The following PSMG4 variants were observed in gnomAD, a reference collection of about 807,000 sequenced individuals.
The protein encoded by PSMG4 is proteasome assembly chaperone 4, also known as proteasome (prosome, macropain) assembly chaperone 4.
Under a neutral mutation model 11.0 loss-of-function variants are expected in PSMG4, and 10 were observed. The observed-to-expected ratio is 0.91, with a 90% CI of 0.56 to 1.54. PSMG4 has a LOEUF of 1.54. PSMG4 is among the 40% of genes most tolerant of loss of function. The pLI, the probability that PSMG4 is intolerant of heterozygous loss-of-function variation, is 0.00. For synonymous variants in PSMG4, 95 were observed against 71.3 expected (o/e 1.33, Z -1.68); for missense variants, 198 against 160.9 (o/e 1.23, Z -1.25).
upstream of PSMG4, among the ~76,000 whole-genome samples, chr6:3,257,183 G>A (rs1038062157): frequency 3.3e-5 from 5 of 152,200 alleles, no homozygotes; most frequent in African/African-American, 9.7e-5. Flanking sequence ...GCTGAACTTG[G>A]GTTTGGGTCA....
chr6:3,259,223 G>A lies in PSMG4; in HGVS notation c.174+27G>A, dbSNP rs1757872185. ...TGAGTGCCTGGCGGCCGAGGGTGCG[G>A]GCGGCGGGGCGGGGGCGCGGGGGCG... On this transcript the variant is annotated intron_variant, in intron 1 of 2. Transcript: ENST00000438998. The A allele has an allele frequency of 2.4e-6, 3 of 1,264,926 alleles. No homozygotes were observed. The Admixed American group carries it at 1.3e-4, about 53-fold the overall frequency. 78.4% of individuals were successfully genotyped at this position (1,264,926 alleles called of 1,614,324 possible).
upstream of PSMG4, chr6:3,254,955 G>A (rs1031415271): frequency 2.2e-6 from 3 of 1,361,244 alleles, no homozygotes; most frequent in Non-Finnish European, 2.0e-6. Context: ...GCTGTTGGGT[G>A]TTGCAGAGCA....
intron 2 of PSMG4, chr6:3,265,756 T>A (rs1023908579): frequency 6.6e-6 from 1 of 152,162 alleles, no homozygotes; most frequent in Non-Finnish European, 1.5e-5. Flanking sequence ...AGAGGCTTCC[T>A]CACTCCCCGC....
In PSMG4 at chr6:3,259,231, G is replaced by GCGGGGGC. The variant is rs1561839953; in HGVS notation, c.174+35_174+36insCGGGGGC. 173 of 1,256,534 alleles carry GCGGGGGC rather than the reference G, an allele frequency of 1.4e-4. 2 individuals are homozygous for GCGGGGGC. The South Asian group carries it at 1.6e-3, about 12-fold the overall frequency. The allele number at this position is 1,256,534 out of a possible 1,614,324, so 77.8% of individuals were successfully genotyped here. ...TGGCGGCCGAGGGTGCGGGCGGCGGGGCGGGGGCGCGGGGGCGCCGGGCCT... is the reference window on the plus strand; with the variant it reads ...TGGCGGCCGAGGGTGCGGGCGGCGGGCGGGGGCGCGGGGGCGCGGGGGCGCCGGGCCT... On this transcript the variant is annotated intron_variant, in intron 1 of 2. Transcript: ENST00000438998.
chr6:3,257,226 TGAGA>T (rs1407265185), upstream of PSMG4, among the ~76,000 whole-genome samples: 1 of 151,384 alleles, frequency 6.6e-6, no homozygotes, highest in African/African-American at 2.4e-5. Flanking sequence ...TCAAGGGGAG[TGAGA>T]GAGGACGCTG....
At chr6:3,262,958 G>A (rs1190494439) in intron 1 of PSMG4, among the ~76,000 whole-genome samples, 1 of 152,112 alleles carries the variant, frequency 6.6e-6, no homozygotes, top group East Asian at 1.9e-4. Context: ...GGGATTCTGG[G>A]ACTAGCTAGA....
chr6:3,262,419 A>G (rs1338920853), intron 1 of PSMG4, among the ~76,000 whole-genome samples: 1 of 152,248 alleles, frequency 6.6e-6, no homozygotes, highest in Non-Finnish European at 1.5e-5. Context: ...AGGAATCTGT[A>G]AACAGCAGGC....
At chr6:3,257,646 CAG>C, upstream of PSMG4, among the ~76,000 whole-genome samples, 1 of 152,264 alleles carries the variant, frequency 6.6e-6, no homozygotes, top group South Asian at 2.1e-4. Flanking sequence ...GGACAAAAAA[CAG>C]TACATACTGT....
chr6:3,256,141 G>A (rs1561837671), upstream of PSMG4, among the ~76,000 whole-genome samples: 1 of 152,176 alleles, frequency 6.6e-6, no homozygotes, highest in East Asian at 1.9e-4. Flanking sequence ...TCCCCAGGAT[G>A]GAATACTGTT....
upstream of PSMG4, chr6:3,255,348 G>A (rs1202168931): frequency 1.4e-6 from 2 of 1,454,248 alleles, no homozygotes; most frequent in East Asian, 2.5e-5. Context: ...ATTCTATGTA[G>A]TTGCTTAATT....
intron 1 of PSMG4, among the ~76,000 whole-genome samples, chr6:3,262,263 G>A (rs527499863): frequency 7.9e-5 from 12 of 152,238 alleles, no homozygotes; most frequent in African/African-American, 2.4e-4. Context: ...GTGTGATGTC[G>A]GAAGTAATGA....
chr6:3,256,950 A>C (rs1757787553), upstream of PSMG4, among the ~76,000 whole-genome samples: 1 of 73,562 alleles, frequency 1.4e-5, no homozygotes, highest in Admixed American at 1.5e-4. Context: ...ATCACAGATA[A>C]TGAGGGGGGT....
chr6:3,254,679 T>C (rs780386267), upstream of PSMG4, among the ~76,000 whole-genome samples: 3 of 152,140 alleles, frequency 2.0e-5, no homozygotes, highest in African/African-American at 7.2e-5. Context: ...GCGAAACCAC[T>C]AAACTCAACA....
chr6:3,267,511 C>G lies in PSMG4; in HGVS notation c.251-80C>G, dbSNP rs933010017. ...AACCCCATCCTCTTTCTGAGCATTT[C>G]CCAGCTGCACGTGGCTGTGAGGAAC... On this transcript the variant is annotated intron_variant, in intron 2 of 2. Coordinates refer to ENST00000438998, the MANE Select transcript of PSMG4 (RefSeq NM_001128591.2). The G allele has an allele frequency of 5.4e-6, 8 of 1,489,868 alleles. No homozygotes were observed. The East Asian group carries it at 1.8e-4, about 33-fold the overall frequency. The allele number at this position is 1,489,868 out of a possible 1,614,324, so 92.3% of individuals were successfully genotyped here.
Position 3,259,073 on chromosome 6 carries a change from CA to C in PSMG4, c.52del (p.Ser18AlafsTer16). On this transcript the variant is annotated frameshift_variant, in exon 1 of 3. Coordinates refer to ENST00000438998, the MANE Select transcript of PSMG4 (RefSeq NM_001128591.2). LOFTEE classifies it high-confidence loss of function. Reference protein sequence around the residue: ...AGGDVSLHNFSARLWEQLVHF... With the variant: ...AGGDVSLHNFXARLWEQLVHF... ...GCGGGGACGTCTCCCTGCACAACTT[CA>C]GCGCGAGGCTGTGGGAGCAGCTGGT... 7.9e-7 allele frequency: 1 copy of C among 1,268,486 alleles called. No homozygotes were observed. 78.6% of individuals were successfully genotyped at this position (1,268,486 alleles called of 1,614,324 possible).
upstream of PSMG4, among the ~76,000 whole-genome samples, chr6:3,254,631 A>G (rs773936398): frequency 8.5e-5 from 13 of 152,166 alleles, no homozygotes; most frequent in African/African-American, 2.2e-4. Context: ...GAGGTGTAAC[A>G]CTGATTGTGA....
upstream of PSMG4, among the ~76,000 whole-genome samples, chr6:3,256,997 T>A (rs1026510419): frequency 6.6e-6 from 1 of 151,968 alleles, no homozygotes; most frequent in Non-Finnish European, 1.5e-5. Flanking sequence ...AGAGCACAGG[T>A]GGATGGATTG....
At chr6:3,255,455 C>T (rs1757729467), upstream of PSMG4, among the ~76,000 whole-genome samples, 1 of 78,960 alleles carries the variant, frequency 1.3e-5, no homozygotes, top group South Asian at 3.7e-4. Context: ...AGACCACCAC[C>T]TCTTTTATCT....
chr6:3,262,381 A>G (rs1758022833), intron 1 of PSMG4, among the ~76,000 whole-genome samples: 1 of 152,228 alleles, frequency 6.6e-6, no homozygotes, highest in Non-Finnish European at 1.5e-5. Flanking sequence ...TGTACATACT[A>G]TTACCATGCA....
Sources: gnomAD v4.1 joint callset for allele counts (sites outside exome capture counted in the v4.1 genomes callset) on GRCh38, gnomAD v4.1.1 for gene constraint, MANE v1.5 for transcripts, NCBI Gene and HGNC (gene_info 2026-07-23, HGNC 2026-07-21) for gene names.